The following GRID2 variants were observed in gnomAD, a reference collection of about 807,000 sequenced individuals.
The protein encoded by GRID2 is glutamate receptor ionotropic, delta-2.
Under a neutral mutation model 114.8 loss-of-function variants are expected in GRID2, and 33 were observed. That is an observed-to-expected ratio of 0.29 (90% CI 0.22 to 0.38). GRID2 has a LOEUF of 0.38. GRID2 is among the 10% of genes least tolerant of loss of function. GRID2 has a pLI of 1.00. For synonymous variants in GRID2, 505 were observed against 449.9 expected (o/e 1.12, Z -1.55); for missense variants, 1,184 against 1,257.7 (o/e 0.94, Z 0.89).
At chr4:92,611,018 C>CTGTG (rs34268472) in intron 2 of GRID2, among the ~76,000 whole-genome samples, 30,163 of 146,552 alleles carry the variant, frequency 0.21, 3,099 homozygotes, top group Middle Eastern at 0.29. Flanking sequence ...ATTGAATAGT[C>CTGTG]TGTGTGTGTG....
chr4:92,419,157 G>T (rs942675780), intron 1 of GRID2, among the ~76,000 whole-genome samples: 3 of 151,968 alleles, frequency 2.0e-5, no homozygotes, highest in Non-Finnish European at 4.4e-5. Context: ...AGCTCATTTT[G>T]GTCACAGAGA....
intron 2 of GRID2, among the ~76,000 whole-genome samples, chr4:92,872,766 G>T (rs1048592198): frequency 6.6e-6 from 1 of 152,180 alleles, no homozygotes; most frequent in Non-Finnish European, 1.5e-5. Flanking sequence ...TTACCCCTTG[G>T]ACCCAGGGCT....
At chr4:92,623,196 A>G (rs1226437801) in intron 2 of GRID2, among the ~76,000 whole-genome samples, 1 of 151,624 alleles carries the variant, frequency 6.6e-6, no homozygotes, top group African/African-American at 2.4e-5. Flanking sequence ...ATGTACATCA[A>G]GGCAATATGT....
At chr4:92,973,736 TG>T (rs1409496098) in intron 2 of GRID2, among the ~76,000 whole-genome samples, 1 of 152,322 alleles carries the variant, frequency 6.6e-6, no homozygotes, top group Admixed American at 6.5e-5. Flanking sequence ...AAATATTAAA[TG>T]ATACTTATTA....
chr4:93,468,925 T>C (rs1042197751), intron 11 of GRID2, among the ~76,000 whole-genome samples: 1 of 152,158 alleles, frequency 6.6e-6, no homozygotes, highest in African/African-American at 2.4e-5. Context: ...TACAAATGTA[T>C]ACATGTTTAG....
chr4:92,308,405 T>C (rs181319642), intron 1 of GRID2, among the ~76,000 whole-genome samples: 23 of 152,186 alleles, frequency 1.5e-4, no homozygotes, highest in African/African-American at 5.1e-4. Flanking sequence ...ATATTTTTGT[T>C]GTTTTCAGTC....
At chr4:93,355,872 G>C (rs544877791) in intron 8 of GRID2, among the ~76,000 whole-genome samples, 18 of 152,096 alleles carry the variant, frequency 1.2e-4, no homozygotes, top group Admixed American at 1.1e-3. Flanking sequence ...AAGAAAGTAT[G>C]ATCCTACTAC....
intron 7 of GRID2, among the ~76,000 whole-genome samples, chr4:93,235,559 T>C (rs1454190749): frequency 2.6e-5 from 4 of 152,096 alleles, no homozygotes. Context: ...TAAGTCTGGG[T>C]GATATAACAA....
chr4:93,184,873 CTCTG>C (rs1252600689), intron 4 of GRID2, among the ~76,000 whole-genome samples: 1 of 152,012 alleles, frequency 6.6e-6, no homozygotes, highest in African/African-American at 2.4e-5. Flanking sequence ...CAGAGCAAGA[CTCTG>C]TCTGAAAAAA....
intron 14 of GRID2, among the ~76,000 whole-genome samples, chr4:93,722,044 A>T (rs1729423622): frequency 6.7e-6 from 1 of 149,262 alleles, no homozygotes; most frequent in Non-Finnish European, 1.5e-5. Flanking sequence ...TCAGTCTCCC[A>T]AGCAGCTGGG....
intron 2 of GRID2, among the ~76,000 whole-genome samples, chr4:92,635,325 C>G (rs897012181): frequency 5.9e-5 from 9 of 152,032 alleles, no homozygotes; most frequent in Non-Finnish European, 8.8e-5. Flanking sequence ...AAGATATGCT[C>G]TCAGTTGCCC....
chr4:93,064,078 A>C lies in GRID2; in HGVS notation c.245-20917A>C, dbSNP rs530396787. ...GTTACATTTACATGTTACAATGTTAATGGTATACACTATATAACAGTAAAA... is the reference window on the plus strand; with the variant it reads ...GTTACATTTACATGTTACAATGTTACTGGTATACACTATATAACAGTAAAA... On this transcript the variant is annotated intron_variant, in intron 2 of 15. Transcript: ENST00000282020. Among the ~76,000 whole-genome samples, 8 of 149,766 alleles carry C rather than the reference A, an allele frequency of 5.3e-5. No homozygotes were observed. The East Asian group carries it at 1.4e-3, about 26-fold the overall frequency.
intron 2 of GRID2, chr4:92,838,891 T>C (rs1020401179): frequency 1.3e-5 from 2 of 152,098 alleles, no homozygotes; most frequent in African/African-American, 4.8e-5. Flanking sequence ...TATCATCACC[T>C]TTCTGAAATG....
At chr4:92,361,321 A>T (rs1728609359) in intron 1 of GRID2, among the ~76,000 whole-genome samples, 1 of 152,076 alleles carries the variant, frequency 6.6e-6, no homozygotes, top group Non-Finnish European at 1.5e-5. Context: ...CTGAAATTAA[A>T]AATAATAGTT....
intron 13 of GRID2, among the ~76,000 whole-genome samples, chr4:93,559,635 T>C (rs1402681008): frequency 6.6e-6 from 1 of 151,896 alleles, no homozygotes; most frequent in African/African-American, 2.4e-5. Context: ...TTGGTGGGAG[T>C]GTAAATTCGT....
At chr4:92,709,203 A>G (rs1046641036) in intron 2 of GRID2, among the ~76,000 whole-genome samples, 20 of 152,162 alleles carry the variant, frequency 1.3e-4, no homozygotes, top group Non-Finnish European at 2.6e-4. Flanking sequence ...CAACTTATCA[A>G]TGAATAAGTT....
At chr4:93,588,429 A>G (rs2149606420) in intron 13 of GRID2, among the ~76,000 whole-genome samples, 1 of 152,292 alleles carries the variant, frequency 6.6e-6, no homozygotes, top group East Asian at 1.9e-4. Flanking sequence ...TAGATAACCT[A>G]TAAGCCAATG....
At chr4:92,965,410 A>G (rs1467681674) in intron 2 of GRID2, among the ~76,000 whole-genome samples, 2 of 138,230 alleles carry the variant, frequency 1.4e-5, no homozygotes, top group Non-Finnish European at 3.1e-5. Context: ...TTGTGCAAAT[A>G]GACTTGTTTG....
At position 93,175,659 on chromosome 4, in the gene GRID2, A is replaced by G. The variant is rs149379668; in HGVS notation, c.736-31745A>G. Reference sequence around the variant, plus strand: ...CCTTAAAGCTCAATTTTCATACATAAAACTCCTAGAGAAATAAAATTTAGA... The same window carrying G: ...CCTTAAAGCTCAATTTTCATACATAGAACTCCTAGAGAAATAAAATTTAGA... On this transcript the variant is annotated intron_variant, in intron 4 of 15. Transcript: ENST00000282020. Among the ~76,000 whole-genome samples the G allele has an allele frequency of 6.6e-4, 101 of 152,330 alleles. 1 individual carries two copies. In the East Asian group the frequency reaches 0.013, roughly 19 times the overall value.
Sources: gnomAD v4.1 joint callset for allele counts (sites outside exome capture counted in the v4.1 genomes callset) on GRCh38, gnomAD v4.1.1 for gene constraint, MANE v1.5 for transcripts, NCBI Gene and HGNC (gene_info 2026-07-23, HGNC 2026-07-21) for gene names.